Variants in DDHD1 observed in about 807,000 individuals in gnomAD.
DDHD1 encodes DDHD domain containing 1.
In DDHD1, 49 loss-of-function variants were observed where a neutral mutation model predicts 96.4. That is an observed-to-expected ratio of 0.51 (90% CI 0.40 to 0.64). The LOEUF is 0.64. Ranked by LOEUF, DDHD1 falls within the 30% of genes least tolerant of loss-of-function variation. The probability of loss-of-function intolerance (pLI) is 0.00; values close to 1 mark genes in which losing one functional copy is unlikely to be tolerated. For synonymous variants in DDHD1, 442 were observed against 446.5 expected, an observed-to-expected ratio of 0.99 and a Z score of 0.13; for missense variants, 1,106 against 1,161.2, an observed-to-expected ratio of 0.95 and a Z score of 0.69.
intron 9 of DDHD1, among the ~76,000 whole-genome samples, chr14:53,057,321 T>C (rs1411992717): frequency 6.6e-6 from 1 of 152,072 alleles, no homozygotes; most frequent in African/African-American, 2.4e-5. Context: ...CCCAAAGAAG[T>C]ATTAAGGGGG....
intron 1 of DDHD1, among the ~76,000 whole-genome samples, chr14:53,134,519 T>C (rs1309995967): frequency 6.6e-6 from 1 of 151,324 alleles, no homozygotes; most frequent in Non-Finnish European, 1.5e-5. Flanking sequence ...CCATTTCTAA[T>C]CCTTCCTTAA....
chr14:53,110,751 G>A (rs568428290), intron 1 of DDHD1, among the ~76,000 whole-genome samples: 15 of 152,014 alleles, frequency 9.9e-5, no homozygotes, highest in Admixed American at 5.9e-4. Context: ...TGAGGTGGGC[G>A]GATCATCTGA....
In DDHD1 at chr14:53,055,085, T is replaced by G. The variant is rs74356592; in HGVS notation, c.2246-456A>C. ...GAGTCCAGGAGATAAAGCCTATTTA[T>G]AGTGCCACCTTGTGGTATTTTACAT... is the stretch of plus-strand genomic sequence containing the variant. On this transcript the variant is annotated intron_variant, in intron 10 of 12. Coordinates refer to ENST00000673822, the MANE Select transcript of DDHD1 (RefSeq NM_001160148.2). Among the ~76,000 whole-genome samples, 4 of 152,230 alleles carry G rather than the reference T, an allele frequency of 2.6e-5. No individual in the cohort carries two copies. In the East Asian group the frequency reaches 7.7e-4, roughly 29 times the overall value.
Position 53,062,969 on chromosome 14 carries a change from A to G in DDHD1, c.1740T>C (p.Leu580=), listed in dbSNP as rs1197131237. The G allele has an allele frequency of 6.2e-7, 1 of 1,614,084 alleles. No homozygotes were observed. The highest frequency in any genetic ancestry group is 8.5e-7 in the Non-Finnish European group (1 of 1,179,986). ...GTCGTTTAGTTATATAGAGTTCATC[A>G]AGAAGATGTCGTTCTTCATAGCTCA... ...RWMSYEERHL[L]DELYITKRRL... is the part of the protein sequence containing the mutation. Residue 580 remains leucine (L), a synonymous_variant, in exon 7 of 13, where the codon CTT becomes CTC. Transcript: ENST00000673822.
intron 1 of DDHD1, among the ~76,000 whole-genome samples, chr14:53,123,040 G>C (rs1889125133): frequency 6.6e-6 from 1 of 151,656 alleles, no homozygotes; most frequent in Non-Finnish European, 1.5e-5. Context: ...ATTTGAAACA[G>C]TCTATTCCTA....
At chr14:53,141,791 G>A (rs1000426867) in intron 1 of DDHD1, among the ~76,000 whole-genome samples, 10 of 152,250 alleles carry the variant, frequency 6.6e-5, no homozygotes, top group South Asian at 2.1e-4. Flanking sequence ...GTTTTAAGAC[G>A]AGTACATGAA....
rs1882033617 is a variant in DDHD1 at position 53,046,703 on chromosome 14, GAC to G, written c.*63_*64del. 3 of 1,115,058 alleles carry G rather than the reference GAC, an allele frequency of 2.7e-6. No homozygotes were observed. The highest frequency in any genetic ancestry group is 2.2e-5 in the South Asian group (1 of 46,310). 69.1% of individuals were successfully genotyped at this position (1,115,058 alleles called of 1,614,324 possible). On this transcript the variant is annotated 3_prime_UTR_variant, in exon 13 of 13. Transcript: ENST00000673822. ...TTTAACCCTGAAATCTCCGTATCTTGACACACACATTTTAACGGAAAAAAAAA... is the reference window on the plus strand; with the variant it reads ...TTTAACCCTGAAATCTCCGTATCTTGACACACATTTTAACGGAAAAAAAAA...
chr14:53,152,090 T>C (rs921952859), intron 1 of DDHD1, among the ~76,000 whole-genome samples, 171 bp downstream of exon 1: 1 of 152,118 alleles, frequency 6.6e-6, no homozygotes. Flanking sequence ...TGCCATCTGC[T>C]CGTTTACCCT....
intron 1 of DDHD1, among the ~76,000 whole-genome samples, chr14:53,136,138 C>G (rs1890225637): frequency 6.6e-6 from 1 of 152,162 alleles, no homozygotes; most frequent in African/African-American, 2.4e-5. Flanking sequence ...ATGAGATCCA[C>G]CCCCTGCCCG....
chr14:53,081,927 GAA>G (rs1885501419), intron 4 of DDHD1, among the ~76,000 whole-genome samples: 1 of 151,906 alleles, frequency 6.6e-6, no homozygotes, highest in South Asian at 2.1e-4. Context: ...GGGGGATGGG[GAA>G]AAGAGGAAGA....
At chr14:53,141,621 A>G (rs1890646139) in intron 1 of DDHD1, among the ~76,000 whole-genome samples, 1 of 152,234 alleles carries the variant, frequency 6.6e-6, no homozygotes, top group Non-Finnish European at 1.5e-5. Flanking sequence ...TCTGCAGACT[A>G]CAGAATCCAA....
chr14:53,088,463 G>A (rs914861165), intron 4 of DDHD1, among the ~76,000 whole-genome samples: 2 of 151,874 alleles, frequency 1.3e-5, no homozygotes, highest in African/African-American at 2.4e-5. Flanking sequence ...ATCAAAAAGC[G>A]TATCCACCAA....
chr14:53,150,322 A>C (rs919430536), intron 1 of DDHD1, among the ~76,000 whole-genome samples: 12 of 152,328 alleles, frequency 7.9e-5, no homozygotes, highest in African/African-American at 2.9e-4. Context: ...GATGGGTCAG[A>C]AGCTCTTTGC....
At chr14:53,103,169 C>A (rs1279723704) in intron 2 of DDHD1, 1 of 970,598 alleles carries the variant, frequency 1.0e-6, no homozygotes, top group Non-Finnish European at 1.5e-6. Context: ...GTATTTTGAA[C>A]TGTTACAAAA....
Position 53,153,081 on chromosome 14 carries a change from G to C in DDHD1, c.18C>G (p.Arg6=). 1 of 1,444,272 alleles carries C rather than the reference G, an allele frequency of 6.9e-7. No homozygotes were observed. Among genetic ancestry groups the C allele is most frequent in the Non-Finnish European group, 9.0e-7 (1 of 1,110,778 alleles). The allele number at this position is 1,444,272 out of a possible 1,614,324, so 89.5% of individuals were successfully genotyped here. MNYPG[R]GSPRSPEHNG... ...TATGCTCGGGGCTCCGTGGGGACCC[G>C]CGGCCCGGGTAATTCATGCTGTGGA... Residue 6 remains arginine, a synonymous_variant, in exon 1 of 13, where the codon CGC becomes CGG. Transcript: ENST00000673822.
Position 53,046,262 on chromosome 14 carries a change from G to GT in DDHD1, c.*505dup, listed in dbSNP as rs1453523686. The GT allele has an allele frequency of 6.6e-6, 1 of 152,088 alleles. No homozygotes were observed. The highest frequency in any genetic ancestry group is 6.5e-5 in the Admixed American group (1 of 15,270). 9.4% of individuals were successfully genotyped at this position (152,088 alleles called of 1,614,324 possible). On this transcript the variant is annotated 3_prime_UTR_variant, in exon 13 of 13. Coordinates refer to ENST00000673822, the MANE Select transcript of DDHD1 (RefSeq NM_001160148.2). The stretch of plus-strand genomic sequence containing the variant: ...AGTTCAAATATTGTTTTAAGCATTA[G>GT]TTTTTCTAAACAAGTTAAATTCAAA...
At chr14:53,079,372 A>T (rs150484968) in intron 4 of DDHD1, among the ~76,000 whole-genome samples, 1 of 152,158 alleles carries the variant, frequency 6.6e-6, no homozygotes, top group Non-Finnish European at 1.5e-5. Context: ...GACATGTACT[A>T]TAGCCTGGAA....
At chr14:53,075,458 G>T (rs570058605) in intron 4 of DDHD1, among the ~76,000 whole-genome samples, 1 of 152,150 alleles carries the variant, frequency 6.6e-6, no homozygotes, top group Non-Finnish European at 1.5e-5. Flanking sequence ...AAAAGACTGA[G>T]AGGGGCAAAG....
At chr14:53,083,712 G>A (rs1048511332) in intron 4 of DDHD1, among the ~76,000 whole-genome samples, 3 of 152,290 alleles carry the variant, frequency 2.0e-5, no homozygotes, top group South Asian at 2.1e-4. Context: ...GTATAGGCCC[G>A]AACACTGAAC....
Sources: gnomAD v4.1 joint callset for allele counts (sites outside exome capture counted in the v4.1 genomes callset) on GRCh38, gnomAD v4.1.1 for gene constraint, MANE v1.5 for transcripts, NCBI Gene and HGNC (gene_info 2026-07-23, HGNC 2026-07-21) for gene names.